Variants in MAP3K6 observed in about 807,000 individuals in gnomAD.
MAP3K6 encodes mitogen-activated protein kinase kinase kinase 6.
A neutral mutation model predicts 147.1 loss-of-function variants in MAP3K6; 105 were observed. The observed-to-expected ratio is 0.71, with a 90% CI of 0.61 to 0.84. The LOEUF (loss-of-function observed/expected upper bound fraction) is 0.84, where lower values mean the gene tolerates loss of function less well. Ranked by LOEUF, MAP3K6 falls within the 40% of genes least tolerant of loss-of-function variation. The probability of loss-of-function intolerance (pLI) is 0.00; values close to 1 mark genes in which losing one functional copy is unlikely to be tolerated. For missense variants in MAP3K6, 1,569 were observed against 1,715.0 expected, an observed-to-expected ratio of 0.91 and a Z score of 1.50; for synonymous variants, 695 against 732.4, an observed-to-expected ratio of 0.95 and a Z score of 0.82.
At position 27,364,018 on chromosome 1, in the gene MAP3K6, G is replaced by T; in HGVS notation, c.763C>A (p.Leu255Met). Residue 255 changes from leucine (L) to methionine (M), a missense_variant, in exon 5 of 29, where the codon CTG becomes ATG. Coordinates refer to ENST00000357582, the MANE Select transcript of MAP3K6 (RefSeq NM_004672.5). The surrounding 1 kb of genome is among the most constrained non-coding windows in gnomAD (Gnocchi z 4.4). ...QARERFSGPQLRQELARLQRR... is the reference protein window; with the variant it reads ...QARERFSGPQMRQELARLQRR... ...TGCAGGCGAGCCAGCTCCTGCCGCAGCTGTGGCCCACTGAACCGCTCCCGC... is the reference window on the plus strand; with the variant it reads ...TGCAGGCGAGCCAGCTCCTGCCGCATCTGTGGCCCACTGAACCGCTCCCGC... 6.2e-7 allele frequency: 1 copy of T among 1,612,538 alleles called. No homozygotes were observed. The highest frequency in any genetic ancestry group is 1.1e-5 in the South Asian group (1 of 91,068).
Position 27,355,754 on chromosome 1 carries a change from G to C in MAP3K6, c.3712-9C>G. 6.2e-7 allele frequency: 1 copy of C among 1,612,874 alleles called. No homozygotes were observed. The highest frequency in any genetic ancestry group is 1.3e-5 in the African/African-American group (1 of 74,990). The stretch of plus-strand genomic sequence containing the variant: ...AAGCTATGGTTCAACAGCTGGATGT[G>C]GTCAAAGACCCGCAGAAAGAGGGAA... On this transcript the variant is annotated splice_polypyrimidine_tract_variant and intron_variant, in intron 27 of 28. Transcript: ENST00000357582.
At chr1:27,362,444 G>C (rs1395637557) in intron 8 of MAP3K6, among the ~76,000 whole-genome samples, 194 bp from the exon 9 acceptor site, 2 of 152,204 alleles carry the variant, frequency 1.3e-5, no homozygotes, top group Non-Finnish European at 2.9e-5. Context: ...GCAGATGTGA[G>C]TTTGGGAACA....
In MAP3K6 at chr1:27,357,816, G is replaced by C. The variant is rs547755170; in HGVS notation, c.2976C>G (p.Ser992Arg). The C allele has an allele frequency of 6.5e-5, 105 of 1,603,976 alleles. No homozygotes were observed. Among genetic ancestry groups the C allele is most frequent in the Admixed American group, 2.0e-4 (12 of 58,974 alleles). The change falls in exon 22 of 29, where the codon AGC (serine) becomes AGG (arginine). Residue 992 changes from serine to arginine, a missense_variant. Coordinates refer to ENST00000357582, the MANE Select transcript of MAP3K6 (RefSeq NM_004672.5). ...PASPEESSGL[S>R]LLHQESKRRA... is the part of the protein sequence containing the mutation. The stretch of plus-strand genomic sequence containing the variant: ...GACGCTTGCTCTCCTGGTGCAGCAG[G>C]CTCAGCCCCGAACTCTCCTCCGGAG...
At chr1:27,357,160 G>A (rs1480485275) in intron 23 of MAP3K6, 46 bp from the exon 24 acceptor site, 2 of 1,550,544 alleles carry the variant, frequency 1.3e-6, no homozygotes, top group African/African-American at 1.4e-5. Flanking sequence ...GCCTCAACTA[G>A]AGGCAGGGCT....
rs1425843990 is a variant in MAP3K6 at position 27,360,749 on chromosome 1, C to T, written c.2010G>A (p.Thr670=). The T allele has an allele frequency of 4.3e-6, 7 of 1,612,672 alleles. No homozygotes were observed. The highest frequency in any genetic ancestry group is 5.9e-6 in the Non-Finnish European group (7 of 1,179,842). ...TCTCCTTGATGGCGATGCGCACCCT[C>T]GTGTGGCGATCGCGGCCCGCGTACA... ...GVVYAGRDRH[T]RVRIAIKEIP... is the part of the protein sequence containing the mutation. Residue 670 remains threonine, a synonymous_variant, in exon 15 of 29, where the codon ACG becomes ACA. Coordinates refer to ENST00000357582, the MANE Select transcript of MAP3K6 (RefSeq NM_004672.5). This position sits in a 1 kb window ranked among gnomAD's most constrained non-coding sequence, Gnocchi z 4.5.
In MAP3K6 at chr1:27,364,947, A is replaced by G; in HGVS notation, c.341-35T>C. 1.3e-6 allele frequency: 2 copies of G among 1,543,096 alleles called. No individual in the cohort carries two copies. Among genetic ancestry groups the G allele is most frequent in the Non-Finnish European group, 1.8e-6 (2 of 1,141,378 alleles). On this transcript the variant is annotated intron_variant, in intron 1 of 28. Coordinates refer to ENST00000357582, the MANE Select transcript of MAP3K6 (RefSeq NM_004672.5). The surrounding 1 kb of genome is among the most constrained non-coding windows in gnomAD (Gnocchi z 4.4). ...CAGAGGGGGTGGCGCTGATCCCTGA[A>G]GCCCAGCTTGATGGGGAAGGAGCCG...
chr1:27,358,501 C>T lies in MAP3K6; in HGVS notation c.2694G>A (p.Gln898=), dbSNP rs776421326. Residue 898 remains glutamine, a synonymous_variant, in exon 20 of 29, where the codon CAG becomes CAA. Coordinates refer to ENST00000357582, the MANE Select transcript of MAP3K6 (RefSeq NM_004672.5). This position sits in a 1 kb window ranked among gnomAD's most constrained non-coding sequence, Gnocchi z 6.2. ...GCAGGAAGGGGTCCCCCAGCAGTGTCTGGGCGCTGGCTCGGAGGCGGGGGT... is the reference window on the plus strand; with the variant it reads ...GCAGGAAGGGGTCCCCCAGCAGTGTTTGGGCGCTGGCTCGGAGGCGGGGGT... ...EPDPRLRASA[Q]TLLGDPFLQP... is the part of the protein sequence containing the mutation. 1.2e-6 allele frequency: 2 copies of T among 1,604,668 alleles called. No homozygotes were observed. The highest frequency in any genetic ancestry group is 1.3e-5 in the African/African-American group (1 of 74,166).
chr1:27,359,569 G>A lies in MAP3K6; in HGVS notation c.2320-47C>T. The A allele has an allele frequency of 1.2e-6, 2 of 1,611,704 alleles. No homozygotes were observed. Among genetic ancestry groups the A allele is most frequent in the Non-Finnish European group, 1.7e-6 (2 of 1,178,412 alleles). On this transcript the variant is annotated intron_variant, in intron 17 of 28. Coordinates refer to ENST00000357582, the MANE Select transcript of MAP3K6 (RefSeq NM_004672.5). The surrounding 1 kb of genome is among the most constrained non-coding windows in gnomAD (Gnocchi z 4.4). ...ACACTGGTCTGGGCCCCTGCCAGCA[G>A]AAGTAGACCCTCTTTCTGGGATCCC...
chr1:27,360,518 C>T lies in MAP3K6; in HGVS notation c.2055-150G>A, dbSNP rs1313426474. The T allele has an allele frequency of 1.5e-6, 2 of 1,350,790 alleles. No individual in the cohort carries two copies. The highest frequency in any genetic ancestry group is 2.0e-6 in the Non-Finnish European group (2 of 1,010,540). The allele number at this position is 1,350,790 out of a possible 1,614,324, so 83.7% of individuals were successfully genotyped here. ...CCCTTACTACCCTGCCCACAGGACC[C>T]TCCAGACCTCAATCCCGCCCGCACG... On this transcript the variant is annotated intron_variant, in intron 15 of 28. Coordinates refer to ENST00000357582, the MANE Select transcript of MAP3K6 (RefSeq NM_004672.5). The surrounding 1 kb of genome is among the most constrained non-coding windows in gnomAD (Gnocchi z 4.5).
In MAP3K6 at chr1:27,361,692, C is replaced by T. The variant is rs766627635; in HGVS notation, c.1578+13G>A. The T allele has an allele frequency of 2.7e-5, 44 of 1,613,848 alleles. No homozygotes were observed. The highest frequency in any genetic ancestry group is 3.6e-5 in the Non-Finnish European group (42 of 1,179,862). On this transcript the variant is annotated intron_variant, in intron 10 of 28. Transcript: ENST00000357582. ...TACCCCTTTCCCGGGTCCACCACCCCTACAGGCCTCACCAAGCACTGGTCG... is the reference window on the plus strand; with the variant it reads ...TACCCCTTTCCCGGGTCCACCACCCTTACAGGCCTCACCAAGCACTGGTCG...
Position 27,362,713 on chromosome 1 carries a change from C to T in MAP3K6, c.1183G>A (p.Gly395Ser). 1 of 1,611,238 alleles carries T rather than the reference C, an allele frequency of 6.2e-7. No individual in the cohort carries two copies. Among genetic ancestry groups the T allele is most frequent in the Non-Finnish European group, 8.5e-7 (1 of 1,178,634 alleles). The change falls in exon 8 of 29, where the codon GGC becomes AGC. Residue 395 changes from glycine (G) to serine (S), a missense_variant. Physicochemically the swap from Gly to Ser is moderately conservative, Grantham distance 56 (BLOSUM62 0). Transcript: ENST00000357582. ...AFDVEPSLHSGINAAVLLIAA... is the reference protein window; with the variant it reads ...AFDVEPSLHSSINAAVLLIAA... ...ATGAGGAGCACAGCTGCATTGATGC[C>T]TGAGTGAAGGCTGGGCTCTACGTCA...
chr1:27,355,470 CT>C lies in MAP3K6; in HGVS notation c.3789-2del. 1 of 1,614,108 alleles carries C rather than the reference CT, an allele frequency of 6.2e-7. No homozygotes were observed. Among genetic ancestry groups the C allele is most frequent in the African/African-American group, 1.3e-5 (1 of 75,070 alleles). On this transcript the variant is annotated splice_acceptor_variant, in intron 28 of 28. Transcript: ENST00000357582. LOFTEE classifies it high-confidence loss of function. ...CCAGATGCGGCATACCATCCCTCCC[CT>C]GGGGGTAATGGACTCAGTGTGGCTC...
chr1:27,360,150 G>A lies in MAP3K6; in HGVS notation c.2182+91C>T. On this transcript the variant is annotated intron_variant, in intron 16 of 28. Transcript: ENST00000357582. This position sits in a 1 kb window ranked among gnomAD's most constrained non-coding sequence, Gnocchi z 4.5. ...GGCTACACCACCCACACGCACTAGGGTGCATTTCCCCCTAGGGCTCTCTAC... is the reference window on the plus strand; with the variant it reads ...GGCTACACCACCCACACGCACTAGGATGCATTTCCCCCTAGGGCTCTCTAC... 4 of 1,585,112 alleles carry A rather than the reference G, an allele frequency of 2.5e-6. No individual in the cohort carries two copies. In the South Asian group the frequency reaches 3.5e-5, roughly 14 times the overall value.
At position 27,360,391 on chromosome 1, in the gene MAP3K6, G is replaced by A; in HGVS notation, c.2055-23C>T. 1 of 1,608,850 alleles carries A rather than the reference G, an allele frequency of 6.2e-7. No homozygotes were observed. The highest frequency in any genetic ancestry group is 8.5e-7 in the Non-Finnish European group (1 of 1,177,178). On this transcript the variant is annotated intron_variant, in intron 15 of 28. Coordinates refer to ENST00000357582, the MANE Select transcript of MAP3K6 (RefSeq NM_004672.5). The surrounding 1 kb of genome is among the most constrained non-coding windows in gnomAD (Gnocchi z 4.5). ...AACCTGAGGGGAGGTAAGGGAGAGA[G>A]GAAAGGGACCGAGGTGGGCAGAGAA...
At position 27,361,293 on chromosome 1, in the gene MAP3K6, G is replaced by A. The variant is rs1557562657; in HGVS notation, c.1737-41C>T. ...GAACCCAGTAAGCGTCAGGCTGGGTGGCAGCGACCCTCACCTCCCGTCTTT... is the reference window on the plus strand; with the variant it reads ...GAACCCAGTAAGCGTCAGGCTGGGTAGCAGCGACCCTCACCTCCCGTCTTT... On this transcript the variant is annotated intron_variant, in intron 12 of 28. Coordinates refer to ENST00000357582, the MANE Select transcript of MAP3K6 (RefSeq NM_004672.5). The A allele has an allele frequency of 4.3e-6, 7 of 1,613,326 alleles. No homozygotes were observed. The South Asian group carries it at 5.5e-5, about 13-fold the overall frequency.
At chr1:27,356,811 C>T in intron 24 of MAP3K6, 62 bp from the exon 25 acceptor site, 1 of 1,515,718 alleles carries the variant, frequency 6.6e-7, no homozygotes, top group Non-Finnish European at 8.8e-7. Flanking sequence ...CCCCAGACCC[C>T]AAAGTGCGGG....
chr1:27,362,309 C>T (rs1419887194), intron 8 of MAP3K6, 59 bp from the exon 9 acceptor site: 1 of 1,508,904 alleles, frequency 6.6e-7, no homozygotes, highest in South Asian at 1.3e-5. Flanking sequence ...TGAGGCCCAC[C>T]ATTTCTGTGG....
Position 27,358,594 on chromosome 1 carries a change from G to A in MAP3K6, c.2601C>T (p.Val867=), listed in dbSNP as rs968828294. The A allele has an allele frequency of 1.7e-5, 27 of 1,613,518 alleles. No homozygotes were observed. The highest frequency in any genetic ancestry group is 2.3e-5 in the Non-Finnish European group (27 of 1,179,810). Residue 867 remains valine (V), a synonymous_variant, in exon 20 of 29, where the codon GTC becomes GTT. Coordinates refer to ENST00000357582, the MANE Select transcript of MAP3K6 (RefSeq NM_004672.5). This position sits in a 1 kb window ranked among gnomAD's most constrained non-coding sequence, Gnocchi z 6.2. ...ACAGAGAGCTGGGCATTGGCGGATGGACCTTGTACATACCCACCTGTGGGG... is the reference window on the plus strand; with the variant it reads ...ACAGAGAGCTGGGCATTGGCGGATGAACCTTGTACATACCCACCTGTGGGG... The part of the protein sequence containing the change: ...AAMFQVGMYK[V]HPPMPSSLSA...
chr1:27,361,401 A>G lies in MAP3K6; in HGVS notation c.1687-6T>C. On this transcript the variant is annotated splice_region_variant and splice_polypyrimidine_tract_variant and intron_variant, in intron 11 of 28. Coordinates refer to ENST00000357582, the MANE Select transcript of MAP3K6 (RefSeq NM_004672.5). ...GTCCAGCTGGAGGGAATGTCCTGCAAGAAGAAATGGGGTGTGATGGGGAGT... is the reference window on the plus strand; with the variant it reads ...GTCCAGCTGGAGGGAATGTCCTGCAGGAAGAAATGGGGTGTGATGGGGAGT... 1 of 1,613,714 alleles carries G rather than the reference A, an allele frequency of 6.2e-7. No homozygotes were observed. Among genetic ancestry groups the G allele is most frequent in the Non-Finnish European group, 8.5e-7 (1 of 1,179,946 alleles).
Sources: allele counts gnomAD v4.1 joint callset (sites outside exome capture counted in the v4.1 genomes callset), GRCh38; gene constraint gnomAD v4.1.1; non-coding constraint Gnocchi (gnomAD v3.1); transcripts MANE v1.5; gene names NCBI Gene and HGNC (gene_info 2026-07-23, HGNC 2026-07-21).